Variants in HPSE2 observed in about 807,000 individuals in gnomAD.
The protein encoded by HPSE2 is heparanase 2 (inactive), also known as inactive heparanase-2.
HPSE2 carries 38 observed loss-of-function variants against 60.5 expected under a neutral mutation model. The ratio of observed to expected loss-of-function variants is 0.63; its 90% confidence interval spans 0.48 to 0.82. The LOEUF is 0.82. Among genes scored for constraint, HPSE2 ranks in the 40% least tolerant of loss-of-function variants. The pLI, the probability that HPSE2 is intolerant of heterozygous loss-of-function variation, is 0.00. For synonymous variants in HPSE2, 295 were observed against 293.2 expected (o/e 1.01, Z -0.06); for missense variants, 713 against 740.4 (o/e 0.96, Z 0.43).
rs1849808700 is a variant in HPSE2, at chr10:99,235,494, A to G, written c.290+19T>C. 6.2e-7 allele frequency: 1 copy of G among 1,613,804 alleles called. No individual in the cohort carries two copies. The highest frequency in any genetic ancestry group is 1.3e-5 in the African/African-American group (1 of 74,984). On this transcript the variant is annotated intron_variant, in intron 1 of 11. Coordinates refer to ENST00000370552, the MANE Select transcript of HPSE2 (RefSeq NM_021828.5). ...GTTACTAAAAAATTTTAAATGATCC[A>G]TCGAAACCCCTGCCTTACCTTAGGA...
intron 3 of HPSE2, among the ~76,000 whole-genome samples, chr10:98,765,407 T>C (rs781729278): frequency 6.6e-6 from 1 of 152,166 alleles, no homozygotes; most frequent in Non-Finnish European, 1.5e-5. Context: ...TATAAGTTAC[T>C]TTTAGGTAAA....
At chr10:98,979,157 TAGGTAAACCTCCTTCAGGCACCAGCTAG>T (rs1956152528) in intron 3 of HPSE2, among the ~76,000 whole-genome samples, 1 of 152,290 alleles carries the variant, frequency 6.6e-6, no homozygotes, top group East Asian at 1.9e-4. Context: ...ATATGTGTGT[TAGGTAAACCTCCTTCAGGCACCAGCTAG>T]AGGTAAACCT....
At chr10:99,108,270 T>C (rs1844324612) in intron 3 of HPSE2, among the ~76,000 whole-genome samples, 1 of 152,128 alleles carries the variant, frequency 6.6e-6, no homozygotes, top group Non-Finnish European at 1.5e-5. Context: ...TATTATACTC[T>C]GAGAGATTAG....
At chr10:98,842,099 C>T (rs986963385) in intron 3 of HPSE2, among the ~76,000 whole-genome samples, 6 of 152,130 alleles carry the variant, frequency 3.9e-5, no homozygotes, top group African/African-American at 9.7e-5. Flanking sequence ...CCACCGCACC[C>T]GGCCCAGACA....
chr10:98,710,874 A>C (rs1325409511), intron 5 of HPSE2, among the ~76,000 whole-genome samples: 1 of 152,120 alleles, frequency 6.6e-6, no homozygotes, highest in Non-Finnish European at 1.5e-5. Context: ...AATTGGCCTA[A>C]GATTTTTTCT....
chr10:99,156,431 C>G (rs1262977966), intron 2 of HPSE2, among the ~76,000 whole-genome samples: 11 of 137,632 alleles, frequency 8.0e-5, no homozygotes, highest in East Asian at 2.2e-4. Flanking sequence ...CCCTGGGATG[C>G]AAGGCTGGTT....
chr10:99,287,505 G>A, the HPSE2 span, among the ~76,000 whole-genome samples: 2 of 152,126 alleles, frequency 1.3e-5, no homozygotes, highest in African/African-American at 2.4e-5. Context: ...GGGTGTGAGG[G>A]TGGCAGGGGT....
At chr10:98,952,801 G>A (rs537175977) in intron 3 of HPSE2, among the ~76,000 whole-genome samples, 1 of 152,234 alleles carries the variant, frequency 6.6e-6, no homozygotes, top group African/African-American at 2.4e-5. Context: ...CTTGGTGCAT[G>A]TGCATGATCT....
chr10:98,585,951 CAAAAAA>C (rs35839169), intron 9 of HPSE2, among the ~76,000 whole-genome samples: 27 of 117,076 alleles, frequency 2.3e-4, no homozygotes, highest in African/African-American at 4.3e-4. Context: ...GACTGTGTCT[CAAAAAA>C]AAAAAAAAAA....
chr10:98,580,836 A>ATATATATATATGTGTGTGTGTGTGTGTG, intron 9 of HPSE2, among the ~76,000 whole-genome samples: 5 of 119,528 alleles, frequency 4.2e-5, no homozygotes, highest in African/African-American at 1.8e-4. Flanking sequence ...ATATATATAT[A>ATATATATATATGTGTGTGTGTGTGTGTG]TGTGTGTGTG....
chr10:98,673,054 T>C (rs192507135), intron 6 of HPSE2, among the ~76,000 whole-genome samples: 11 of 152,312 alleles, frequency 7.2e-5, no homozygotes, highest in Admixed American at 7.2e-4. Flanking sequence ...AATATAAAGA[T>C]GGTTCCAAAA....
At chr10:98,521,697 C>T (rs534331477) in intron 9 of HPSE2, among the ~76,000 whole-genome samples, 11 of 152,214 alleles carry the variant, frequency 7.2e-5, no homozygotes, top group South Asian at 2.1e-4. Flanking sequence ...ACGATTATTG[C>T]GGCACTCTTC....
chr10:98,544,675 T>C (rs1189745488), intron 9 of HPSE2, among the ~76,000 whole-genome samples: 1 of 121,608 alleles, frequency 8.2e-6, no homozygotes, highest in African/African-American at 3.1e-5. Context: ...ATCGCGCCAC[T>C]GCACTCCAGC....
At chr10:98,608,696 A>G (rs1487558619) in intron 9 of HPSE2, among the ~76,000 whole-genome samples, 1 of 152,104 alleles carries the variant, frequency 6.6e-6, no homozygotes, top group Non-Finnish European at 1.5e-5. Flanking sequence ...GGTTCCCACA[A>G]AGGAAGGCTG....
In HPSE2 at chr10:98,743,982, G is replaced by A. The variant is rs539208193; in HGVS notation, c.685C>T (p.Arg229Cys). ...LHLIFALNAL[R>C]RNPNNSWNSS... is the part of the protein sequence containing the mutation. ...TTCCAGGAGTTATTGGGATTACGAC[G>A]CAGTGCATTTAGAGCAAATATCAGG... The change falls in exon 4 of 12, where the codon CGT (arginine) becomes TGT (cysteine). Residue 229 changes from arginine to cysteine, a missense_variant. Coordinates refer to ENST00000370552, the MANE Select transcript of HPSE2 (RefSeq NM_021828.5). 4.2e-5 allele frequency: 68 copies of A among 1,613,940 alleles called. No homozygotes were observed. Among genetic ancestry groups the A allele is most frequent in the African/African-American group, 8.0e-5 (6 of 74,928 alleles).
chr10:99,281,263 A>G, the HPSE2 span, among the ~76,000 whole-genome samples: 1 of 148,534 alleles, frequency 6.7e-6, no homozygotes, highest in African/African-American at 2.4e-5. Context: ...ATATAATAAT[A>G]TATACTATAT....
At chr10:98,837,046 AAAAC>A (rs943822585) in intron 3 of HPSE2, among the ~76,000 whole-genome samples, 12 of 152,178 alleles carry the variant, frequency 7.9e-5, no homozygotes, top group South Asian at 4.2e-4. Context: ...CTCTGTCTCA[AAAAC>A]AAACAAACAA....
intron 2 of HPSE2, among the ~76,000 whole-genome samples, chr10:99,222,602 T>C (rs1316510455): frequency 6.6e-6 from 1 of 152,196 alleles, no homozygotes. Flanking sequence ...TTTTCAAATA[T>C]TCTTATTTCT....
intron 3 of HPSE2, among the ~76,000 whole-genome samples, chr10:99,127,041 A>G (rs1845190908): frequency 6.6e-6 from 1 of 152,124 alleles, no homozygotes; most frequent in Non-Finnish European, 1.5e-5. Flanking sequence ...GTCTACCCAA[A>G]TGAGAAGGAA....
Sources: allele counts gnomAD v4.1 joint callset (sites outside exome capture counted in the v4.1 genomes callset), GRCh38; gene constraint gnomAD v4.1.1; transcripts MANE v1.5; gene names NCBI Gene and HGNC (gene_info 2026-07-23, HGNC 2026-07-21).